Variants in NPAS3 observed in about 807,000 individuals in gnomAD.
The protein encoded by NPAS3 is neuronal PAS domain-containing protein 3.
A neutral mutation model predicts 73.1 loss-of-function variants in NPAS3; 14 were observed. The observed-to-expected ratio is 0.19, with a 90% CI of 0.13 to 0.30. The LOEUF is 0.30. Among genes scored for constraint, NPAS3 ranks in the 10% least tolerant of loss-of-function variants. The pLI is 1.00. For synonymous variants in NPAS3, 620 were observed against 541.5 expected, an observed-to-expected ratio of 1.14 and a Z score of -2.01; for missense variants, 1,096 against 1,250.0, an observed-to-expected ratio of 0.88 and a Z score of 1.86.
chr14:33,281,217 A>C (rs565713659), intron 3 of NPAS3, among the ~76,000 whole-genome samples: 1 of 152,246 alleles, frequency 6.6e-6, no homozygotes, highest in Non-Finnish European at 1.5e-5. Context: ...TTCACTCGAC[A>C]TCTTGTCATG....
chr14:33,265,975 T>G (rs1405638924), intron 3 of NPAS3, among the ~76,000 whole-genome samples: 1 of 151,140 alleles, frequency 6.6e-6, no homozygotes, highest in Non-Finnish European at 1.5e-5. Flanking sequence ...TATATGCACT[T>G]ATTTATATAC....
chr14:32,967,200 A>G (rs2037211845), intron 1 of NPAS3, among the ~76,000 whole-genome samples: 1 of 152,226 alleles, frequency 6.6e-6, no homozygotes, highest in Admixed American at 6.5e-5. Flanking sequence ...GACCTTTATC[A>G]TGATCCACTT....
downstream of NPAS3, chr14:33,803,125 C>T (rs2063754545): frequency 6.6e-6 from 1 of 152,082 alleles, no homozygotes; most frequent in South Asian, 2.1e-4. Flanking sequence ...CCCAGAGTCC[C>T]TTGTGCTCTA....
intron 5 of NPAS3, among the ~76,000 whole-genome samples, chr14:33,623,197 C>T (rs927185810): frequency 1.3e-5 from 2 of 152,096 alleles, no homozygotes; most frequent in Non-Finnish European, 2.9e-5. Context: ...ATATTAAGCT[C>T]AATATTTTGC....
chr14:33,436,149 A>C (rs144759149), intron 4 of NPAS3, among the ~76,000 whole-genome samples: 1 of 152,312 alleles, frequency 6.6e-6, no homozygotes, highest in East Asian at 1.9e-4. Flanking sequence ...GGAGTGGTGG[A>C]AAGAAAGCAT....
intron 2 of NPAS3, 76 bp downstream of exon 2, chr14:33,056,070 C>A: frequency 1.5e-6 from 1 of 660,102 alleles, no homozygotes; most frequent in Non-Finnish European, 2.7e-6. Flanking sequence ...TCAAAAATAT[C>A]CTTGTATTGA....
At chr14:33,495,306 C>T (rs538053919) in intron 4 of NPAS3, among the ~76,000 whole-genome samples, 29 of 152,154 alleles carry the variant, frequency 1.9e-4, no homozygotes, top group African/African-American at 7.0e-4. Flanking sequence ...TTTCTTAATC[C>T]TGAGTTCTAA....
chr14:33,390,096 A>AT (rs1403108879), intron 4 of NPAS3, among the ~76,000 whole-genome samples: 1 of 152,176 alleles, frequency 6.6e-6, no homozygotes, highest in Non-Finnish European at 1.5e-5. Flanking sequence ...AGGAAATTAG[A>AT]GATGGGAAGG....
chr14:33,140,597 T>A (rs1345004515), intron 2 of NPAS3, among the ~76,000 whole-genome samples: 1 of 152,196 alleles, frequency 6.6e-6, no homozygotes, highest in Non-Finnish European at 1.5e-5. Flanking sequence ...CTTCACCGTG[T>A]CATTTCCCTT....
At chr14:33,238,974 A>G (rs2048128865) in intron 3 of NPAS3, among the ~76,000 whole-genome samples, 1 of 151,986 alleles carries the variant, frequency 6.6e-6, no homozygotes, top group Non-Finnish European at 1.5e-5. Flanking sequence ...GCTGCTTATC[A>G]GTTGTCCTTC....
At position 33,606,548 on chromosome 14, in the gene NPAS3, GA is replaced by G. The variant is rs149823402; in HGVS notation, c.558+46345del. On this transcript the variant is annotated intron_variant, in intron 5 of 11. Transcript: ENST00000356141. ...ACAATGGGATATTCATTCATATGCA[GA>G]AAAAAACCCTTTGATCCATACCATT... Among the ~76,000 whole-genome samples the G allele has an allele frequency of 7.7e-3, 1,164 of 151,942 alleles. 18 individuals carry two copies. The highest frequency in any genetic ancestry group is 0.027 in the African/African-American group (1,100 of 41,426).
At chr14:33,298,188 C>T (rs2042382487) in intron 3 of NPAS3, among the ~76,000 whole-genome samples, 1 of 152,108 alleles carries the variant, frequency 6.6e-6, no homozygotes, top group African/African-American at 2.4e-5. Context: ...GAGGCTGAGA[C>T]AGGAGAATGG....
chr14:33,291,167 A>G (rs906662877), intron 3 of NPAS3, among the ~76,000 whole-genome samples: 1 of 152,154 alleles, frequency 6.6e-6, no homozygotes, highest in Non-Finnish European at 1.5e-5. Context: ...CCCATGCTTA[A>G]TTTACTAGGC....
intron 4 of NPAS3, among the ~76,000 whole-genome samples, chr14:33,529,104 G>A (rs1189875419): frequency 2.6e-5 from 4 of 152,054 alleles, no homozygotes; most frequent in African/African-American, 4.8e-5. Flanking sequence ...ATGTTCTTTC[G>A]AAGGGATGGA....
chr14:33,668,734 G>A (rs542195260), intron 5 of NPAS3, among the ~76,000 whole-genome samples: 5 of 152,264 alleles, frequency 3.3e-5, no homozygotes, highest in Middle Eastern at 3.4e-3. Flanking sequence ...CCGGAGGATC[G>A]CTTGAGCCCA....
intron 4 of NPAS3, among the ~76,000 whole-genome samples, chr14:33,495,614 C>A (rs1345197658): frequency 6.6e-6 from 1 of 152,076 alleles, no homozygotes; most frequent in Non-Finnish European, 1.5e-5. Flanking sequence ...GTCTAAGTCT[C>A]ATTGTAGGTC....
rs2138698523 is a variant in NPAS3, at chr14:33,800,995, G to A, written c.2688G>A (p.Gln896=). The A allele has an allele frequency of 6.3e-7, 1 of 1,587,278 alleles. No individual in the cohort carries two copies. The highest frequency in any genetic ancestry group is 8.6e-7 in the Non-Finnish European group (1 of 1,167,510). The change falls in exon 12 of 12, where the codon CAG becomes CAA. Residue 896 remains glutamine (Q), a synonymous_variant. Transcript: ENST00000356141. This position sits in a 1 kb window ranked among gnomAD's most constrained non-coding sequence, Gnocchi z 6.5. ...CAGTGAGCGCAGCTAGCCTGACGCA[G>A]ATGCCCGCCGGCAACGTGTTCACCA... is the stretch of plus-strand genomic sequence containing the variant.
chr14:33,416,822 T>G (rs1265325635), intron 4 of NPAS3, among the ~76,000 whole-genome samples: 3 of 152,026 alleles, frequency 2.0e-5, no homozygotes, highest in Non-Finnish European at 2.9e-5. Context: ...CATTGATATT[T>G]GTGTCTACTT....
intron 5 of NPAS3, among the ~76,000 whole-genome samples, chr14:33,602,785 T>C (rs900419411): frequency 1.3e-5 from 2 of 152,194 alleles, no homozygotes; most frequent in Non-Finnish European, 2.9e-5. Flanking sequence ...ATGCCACTTA[T>C]TCAGCAGGCC....
Sources: allele counts gnomAD v4.1 joint callset (sites outside exome capture counted in the v4.1 genomes callset), GRCh38; gene constraint gnomAD v4.1.1; non-coding constraint Gnocchi (gnomAD v3.1); transcripts MANE v1.5; gene names NCBI Gene and HGNC (gene_info 2026-07-23, HGNC 2026-07-21).